The following WDFY2 variants were observed in gnomAD, a reference collection of about 807,000 sequenced individuals.
WDFY2 encodes the protein WD repeat and FYVE domain-containing protein 2.
WDFY2 carries 36 observed loss-of-function variants against 56.4 expected under a neutral mutation model. That is an observed-to-expected ratio of 0.64 (90% CI 0.49 to 0.84). WDFY2 has a LOEUF of 0.84. WDFY2 is among the 40% of genes least tolerant of loss of function. The pLI, the probability that WDFY2 is intolerant of heterozygous loss-of-function variation, is 0.00. For missense variants in WDFY2, 444 were observed against 512.2 expected, an observed-to-expected ratio of 0.87 and a Z score of 1.29; for synonymous variants, 176 against 183.7, an observed-to-expected ratio of 0.96 and a Z score of 0.34.
intron 7 of WDFY2, among the ~76,000 whole-genome samples, chr13:51,745,620 C>T (rs745425301): frequency 6.6e-5 from 10 of 151,798 alleles, no homozygotes; most frequent in East Asian, 1.9e-4. Flanking sequence ...CCTGAAGTTC[C>T]GCTGAAAAGA....
chr13:51,695,474 G>A (rs1395540080), intron 3 of WDFY2, among the ~76,000 whole-genome samples: 1 of 152,220 alleles, frequency 6.6e-6, no homozygotes, highest in Non-Finnish European at 1.5e-5. Flanking sequence ...CTGGGTACCA[G>A]CAGCGATGGC....
At chr13:51,629,392 A>G (rs542985565) in intron 1 of WDFY2, among the ~76,000 whole-genome samples, 2 of 152,370 alleles carry the variant, frequency 1.3e-5, no homozygotes, top group Admixed American at 1.3e-4. Context: ...AGCATGGTAT[A>G]TGAAAAGAGG....
At chr13:51,722,293 CTTAGTGGA>C (rs1250017592) in intron 5 of WDFY2, among the ~76,000 whole-genome samples, 1 of 151,954 alleles carries the variant, frequency 6.6e-6, no homozygotes, top group African/African-American at 2.4e-5. Context: ...TTTCAGGCGT[CTTAGTGGA>C]GAAGTAAATA....
chr13:51,651,584 T>C (rs1042598617), intron 1 of WDFY2, among the ~76,000 whole-genome samples: 45 of 152,242 alleles, frequency 3.0e-4, no homozygotes, highest in African/African-American at 1.1e-3. Flanking sequence ...CACACTGCTT[T>C]GAATGTGTCC....
At chr13:51,604,769 T>C (rs1954353858) in intron 1 of WDFY2, among the ~76,000 whole-genome samples, 1 of 152,154 alleles carries the variant, frequency 6.6e-6, no homozygotes, top group Non-Finnish European at 1.5e-5. Flanking sequence ...CATTGGACAT[T>C]GTGGATAGAG....
At chr13:51,657,386 A>G (rs931084800) in intron 1 of WDFY2, among the ~76,000 whole-genome samples, 3 of 152,104 alleles carry the variant, frequency 2.0e-5, no homozygotes, top group Non-Finnish European at 4.4e-5. Flanking sequence ...TAATTCTTGT[A>G]TGGCTTCAGG....
At chr13:51,740,443 C>T (rs1375763405) in intron 7 of WDFY2, among the ~76,000 whole-genome samples, 2 of 152,224 alleles carry the variant, frequency 1.3e-5, no homozygotes, top group South Asian at 2.1e-4. Context: ...GGGCCGGGTG[C>T]ATTGGCTCAC....
chr13:51,655,407 T>G (rs1402901275), intron 1 of WDFY2, among the ~76,000 whole-genome samples: 1 of 152,070 alleles, frequency 6.6e-6, no homozygotes, highest in Non-Finnish European at 1.5e-5. Flanking sequence ...CATGAAAGAT[T>G]GTTGAATTTT....
intron 1 of WDFY2, among the ~76,000 whole-genome samples, chr13:51,608,863 C>T (rs929172917): frequency 2.0e-5 from 3 of 152,060 alleles, no homozygotes; most frequent in African/African-American, 7.3e-5. Flanking sequence ...TTTACCATTT[C>T]TCTATTAGGG....
Position 51,711,944 on chromosome 13 carries a change from A to G in WDFY2, c.335-7254A>G, listed in dbSNP as rs973282424. On this transcript the variant is annotated intron_variant, in intron 4 of 11. Transcript: ENST00000298125. ...ACCCAGCCATTACATTACTGGTTAT[A>G]TACCCAAAGGTTTATAAATCATCCT... is the stretch of plus-strand genomic sequence containing the variant. Among the ~76,000 whole-genome samples the G allele has an allele frequency of 3.3e-5, 5 of 152,362 alleles. No individual in the cohort carries two copies. The East Asian group carries it at 7.7e-4, about 23-fold the overall frequency.
In WDFY2 at chr13:51,675,205, A is replaced by G. The variant is rs1955866586; in HGVS notation, c.241A>G (p.Arg81Gly). The change falls in exon 3 of 12, where the codon AGA becomes GGA. Residue 81 changes from arginine to glycine, a missense_variant. Arg to Gly is a moderately radical substitution (Grantham distance 125). Coordinates refer to ENST00000298125, the MANE Select transcript of WDFY2 (RefSeq NM_052950.4). ...ATGCATGTCTTTTAACCCGGAAACA[A>G]GAAGACTGTCCATAGGTCTAGACAA... The part of the protein sequence containing the change: ...CSCMSFNPET[R>G]RLSIGLDNGT... 1 of 1,613,918 alleles carries G rather than the reference A, an allele frequency of 6.2e-7. No homozygotes were observed. The highest frequency in any genetic ancestry group is 1.7e-5 in the Admixed American group (1 of 60,004).
chr13:51,659,212 C>A (rs1955566980), intron 1 of WDFY2, among the ~76,000 whole-genome samples: 1 of 152,176 alleles, frequency 6.6e-6, no homozygotes, highest in Non-Finnish European at 1.5e-5. Flanking sequence ...CAGGTGTGAG[C>A]CACCGCGCAC....
chr13:51,652,871 T>C (rs1217386100), intron 1 of WDFY2, among the ~76,000 whole-genome samples: 1 of 152,172 alleles, frequency 6.6e-6, no homozygotes, highest in Non-Finnish European at 1.5e-5. Flanking sequence ...GTGAATCTGA[T>C]AATTATGTGT....
At chr13:51,759,659 T>C in intron 11 of WDFY2, 81 bp from the exon 12 acceptor site, 1 of 1,397,016 alleles carries the variant, frequency 7.2e-7, no homozygotes, top group African/African-American at 1.4e-5. Context: ...TGAAAAAAAT[T>C]TCCTTGAAGA....
At chr13:51,607,738 C>T (rs994507418) in intron 1 of WDFY2, among the ~76,000 whole-genome samples, 1 of 152,168 alleles carries the variant, frequency 6.6e-6, no homozygotes, top group Non-Finnish European at 1.5e-5. Context: ...CTTAGCTGCA[C>T]AACAGTTCAG....
In WDFY2 at chr13:51,737,551, TAAAAAAAAAAAAAAAAA is replaced by T. The variant is rs67418551; in HGVS notation, c.599-1483_599-1467del. ...CTACTGGGGCAGGAGACAATGAATT[TAAAAAAAAAAAAAAAAA>T]AAAAAAAAAAAAAAGAATAATCAGG... On this transcript the variant is annotated intron_variant, in intron 6 of 11. Coordinates refer to ENST00000298125, the MANE Select transcript of WDFY2 (RefSeq NM_052950.4). Among the ~76,000 whole-genome samples the T allele has an allele frequency of 5.6e-4, 30 of 53,244 alleles. 1 individual carries two copies. The highest frequency in any genetic ancestry group is 1.5e-3 in the Admixed American group (7 of 4,650). The allele number at this position is 53,244 out of a possible 152,430, so 34.9% of individuals were successfully genotyped here. A position where few individuals can be genotyped will look rare whatever the true frequency, so the allele number is the denominator to read the frequency against.
intron 1 of WDFY2, among the ~76,000 whole-genome samples, chr13:51,600,599 G>A (rs1024350491): frequency 1.3e-5 from 2 of 152,194 alleles, no homozygotes; most frequent in Admixed American, 1.3e-4. Context: ...CCTTGGGAAG[G>A]AACCTAGTGG....
At chr13:51,707,715 A>T (rs1270741533) in intron 4 of WDFY2, among the ~76,000 whole-genome samples, 1 of 152,026 alleles carries the variant, frequency 6.6e-6, no homozygotes, top group African/African-American at 2.4e-5. Context: ...GGTTTTTTTC[A>T]TATGTTGTAT....
At chr13:51,671,816 C>G (rs1341338734) in intron 2 of WDFY2, among the ~76,000 whole-genome samples, 3 of 132,828 alleles carry the variant, frequency 2.3e-5, no homozygotes, top group African/African-American at 8.6e-5. Flanking sequence ...CAAGGTCTTC[C>G]TCTGTTGCCC....
Sources: gnomAD v4.1 joint callset for allele counts (sites outside exome capture counted in the v4.1 genomes callset) on GRCh38, gnomAD v4.1.1 for gene constraint, MANE v1.5 for transcripts, NCBI Gene and HGNC (gene_info 2026-07-23, HGNC 2026-07-21) for gene names.